RECK: variants seen among roughly 807,000 people sequenced by gnomAD.
The protein encoded by RECK is reversion-inducing cysteine-rich protein with Kazal motifs.
In RECK, 69 loss-of-function variants were observed where a neutral mutation model predicts 115.1. The ratio of observed to expected loss-of-function variants is 0.60; its 90% CI spans 0.49 to 0.73. The LOEUF (loss-of-function observed/expected upper bound fraction) is 0.73. Ranked by LOEUF, RECK falls within the 30% of genes least tolerant of loss-of-function variation. RECK has a pLI of 0.00. For missense variants in RECK, 1,047 were observed against 1,203.7 expected, an observed-to-expected ratio of 0.87 and a Z score of 1.93; for synonymous variants, 414 against 419.7, an observed-to-expected ratio of 0.99 and a Z score of 0.17.
intron 1 of RECK, among the ~76,000 whole-genome samples, chr9:36,039,261 T>C (rs1820782526): frequency 6.6e-6 from 1 of 152,220 alleles, no homozygotes; most frequent in Non-Finnish European, 1.5e-5. Flanking sequence ...CTAAAGGACA[T>C]TGAGTAATAT....
chr9:36,083,344 C>T, intron 7 of RECK, 21 bp from the exon 8 acceptor site: 2 of 1,609,334 alleles, frequency 1.2e-6, no homozygotes, highest in Non-Finnish European at 1.7e-6. Context: ...ATGTCAGTGC[C>T]TTCTCTTTTT....
rs916398902 is a variant in RECK at position 36,094,485 on chromosome 9, A to G, written c.1085+3142A>G. Among the ~76,000 whole-genome samples, 1 of 152,152 alleles carries G rather than the reference A, an allele frequency of 6.6e-6. No homozygotes were observed. Among genetic ancestry groups the G allele is most frequent in the African/African-American group, 2.4e-5 (1 of 41,468 alleles). On this transcript the variant is annotated intron_variant, in intron 10 of 20. Transcript: ENST00000377966. This position sits in a 1 kb window ranked among gnomAD's most constrained non-coding sequence, Gnocchi z 4.1. The stretch of plus-strand genomic sequence containing the variant: ...ACAAAGAGGTATAGCTAAGAAGCTA[A>G]TAGGAAATATAAAATGGAAAACTAA...
chr9:36,114,196 C>T (rs1824168057), intron 16 of RECK, among the ~76,000 whole-genome samples: 1 of 152,200 alleles, frequency 6.6e-6, no homozygotes, highest in African/African-American at 2.4e-5. Context: ...GTCTAGAACT[C>T]AGTCCGTTGG....
intron 12 of RECK, among the ~76,000 whole-genome samples, chr9:36,102,516 G>A (rs113007922): frequency 5.3e-4 from 81 of 152,220 alleles, no homozygotes; most frequent in African/African-American, 1.9e-3. Context: ...CAGATAACCA[G>A]CTCCATATCA....
chr9:36,117,003 G>A lies in RECK; in HGVS notation c.2079G>A (p.Gln693=). The change falls in exon 17 of 21, where the codon CAG becomes CAA. Residue 693 remains glutamine (Q), a synonymous_variant. Coordinates refer to ENST00000377966, the MANE Select transcript of RECK (RefSeq NM_021111.3). ...QKNQRCIPKP[Q]VCLTTFDKFG... Reference sequence around the variant, plus strand: ...TTTTCAGGTGCATACCCAAACCACAGGTCTGCCTGACGACTTTTGATAAAT... The same window carrying A: ...TTTTCAGGTGCATACCCAAACCACAAGTCTGCCTGACGACTTTTGATAAAT... 1.2e-6 allele frequency: 2 copies of A among 1,612,070 alleles called. No individual in the cohort carries two copies. The highest frequency in any genetic ancestry group is 1.7e-6 in the Non-Finnish European group (2 of 1,178,570).
intron 2 of RECK, among the ~76,000 whole-genome samples, chr9:36,055,082 G>T (rs1046256699): frequency 2.0e-5 from 3 of 152,140 alleles, no homozygotes; most frequent in African/African-American, 7.2e-5. Flanking sequence ...GATAATTTCT[G>T]CCTTGAGTGG....
intron 2 of RECK, among the ~76,000 whole-genome samples, chr9:36,055,321 C>G (rs1004751783): frequency 6.6e-6 from 1 of 152,058 alleles, no homozygotes; most frequent in African/African-American, 2.4e-5. Context: ...ATGTGTTTAT[C>G]AGTTTAATTC....
chr9:36,093,308 A>G (rs2132640953), intron 10 of RECK, among the ~76,000 whole-genome samples: 1 of 152,364 alleles, frequency 6.6e-6, no homozygotes, highest in South Asian at 2.1e-4. Flanking sequence ...AAAAATTACT[A>G]GAAATGAGAA....
intron 2 of RECK, among the ~76,000 whole-genome samples, chr9:36,056,366 T>C (rs985437541): frequency 2.0e-5 from 3 of 152,234 alleles, no homozygotes; most frequent in Admixed American, 1.3e-4. Context: ...TCAAGTGATA[T>C]ATATGTATTG....
Position 36,123,976 on chromosome 9 carries a change from T to G in RECK, c.*931T>G, listed in dbSNP as rs1330379447. Reference sequence around the variant, plus strand: ...CCATATTTGTAAAATGACAATCATGTGTGTTAACCCAGTGCTTTCCATTCG... The same window carrying G: ...CCATATTTGTAAAATGACAATCATGGGTGTTAACCCAGTGCTTTCCATTCG... On this transcript the variant is annotated 3_prime_UTR_variant, in exon 21 of 21. Coordinates refer to ENST00000377966, the MANE Select transcript of RECK (RefSeq NM_021111.3). The G allele has an allele frequency of 1.3e-5, 2 of 152,690 alleles. No individual in the cohort carries two copies. Among genetic ancestry groups the G allele is most frequent in the Non-Finnish European group, 2.9e-5 (2 of 68,048 alleles). 9.5% of individuals were successfully genotyped at this position (152,690 alleles called of 1,614,324 possible). A position where few individuals can be genotyped will look rare whatever the true frequency, so the allele number is the denominator to read the frequency against.
chr9:36,085,223 G>T, intron 8 of RECK: 1 of 232,382 alleles, frequency 4.3e-6, no homozygotes, highest in South Asian at 3.9e-5. Context: ...TAATTAAAAA[G>T]TCATAACAAT....
intron 1 of RECK, among the ~76,000 whole-genome samples, chr9:36,040,357 G>T (rs976801331): frequency 6.6e-6 from 1 of 152,156 alleles, no homozygotes; most frequent in African/African-American, 2.4e-5. Flanking sequence ...ACTGAGATCC[G>T]AAGGCTGAGA....
At chr9:36,051,927 C>G (rs1213495595) in intron 1 of RECK, among the ~76,000 whole-genome samples, 5 of 152,274 alleles carry the variant, frequency 3.3e-5, no homozygotes, top group South Asian at 2.1e-4. Context: ...AAAAATAGCT[C>G]TAGTCCATAT....
intron 12 of RECK, among the ~76,000 whole-genome samples, chr9:36,103,291 C>G (rs137891840): frequency 1.2e-4 from 18 of 152,184 alleles, no homozygotes; most frequent in African/African-American, 4.3e-4. Context: ...AAAAACAGAA[C>G]AAATAGAAGT....
intron 13 of RECK, 104 bp downstream of exon 13, chr9:36,105,387 G>T: frequency 9.0e-7 from 1 of 1,109,218 alleles, no homozygotes; most frequent in South Asian, 1.5e-5. Flanking sequence ...TGTAATATAG[G>T]GGTTATCTTC....
At chr9:36,050,623 T>C (rs919558263) in intron 1 of RECK, among the ~76,000 whole-genome samples, 2 of 152,196 alleles carry the variant, frequency 1.3e-5, no homozygotes, top group African/African-American at 2.4e-5. Flanking sequence ...TCAAAACCCG[T>C]GGGTGGTTTT....
intron 7 of RECK, among the ~76,000 whole-genome samples, chr9:36,081,853 G>A (rs1260968316): frequency 1.4e-5 from 2 of 147,858 alleles, no homozygotes; most frequent in East Asian, 2.0e-4. Context: ...AAAAAAATTT[G>A]TTCTTTGTGA....
chr9:36,062,196 T>C (rs1169122731), intron 4 of RECK, among the ~76,000 whole-genome samples: 1 of 150,726 alleles, frequency 6.6e-6, no homozygotes, highest in African/African-American at 2.4e-5. Context: ...AGTTTCACTC[T>C]TCTTGCCCAG....
intron 6 of RECK, among the ~76,000 whole-genome samples, chr9:36,065,939 T>C (rs1821979236): frequency 6.6e-6 from 1 of 152,210 alleles, no homozygotes; most frequent in Admixed American, 6.5e-5. Flanking sequence ...TTTCATGTTC[T>C]CTTTTGTCTC....
Sources: allele counts gnomAD v4.1 joint callset (sites outside exome capture counted in the v4.1 genomes callset), GRCh38; gene constraint gnomAD v4.1.1; non-coding constraint Gnocchi (gnomAD v3.1); transcripts MANE v1.5; gene names NCBI Gene and HGNC (gene_info 2026-07-23, HGNC 2026-07-21).